RNF31: variants seen among roughly 807,000 people sequenced by gnomAD.
The protein encoded by RNF31 is E3 ubiquitin-protein ligase RNF31.
In RNF31, 38 loss-of-function variants were observed where a neutral mutation model predicts 133.6. That is an observed-to-expected ratio of 0.28 (90% CI 0.22 to 0.37). The LOEUF is 0.37. Among genes scored for constraint, RNF31 ranks in the 10% least tolerant of loss-of-function variants. RNF31 has a pLI of 1.00. For synonymous variants in RNF31, 582 were observed against 552.3 expected (o/e 1.05, Z -0.75); for missense variants, 1,118 against 1,394.1 (o/e 0.80, Z 3.15).
At chr14:24,148,529 T>G in intron 3 of RNF31, 113 bp from the exon 4 acceptor site, 1 of 1,589,652 alleles carries the variant, frequency 6.3e-7, no homozygotes, top group East Asian at 2.2e-5. Flanking sequence ...TTCAGCATTC[T>G]GGGAGCTCCG....
chr14:24,155,675 G>T lies in RNF31; in HGVS notation c.2476G>T (p.Val826Leu), dbSNP rs2139088177. 1 of 1,614,148 alleles carries T rather than the reference G, an allele frequency of 6.2e-7. No homozygotes were observed. Among genetic ancestry groups the T allele is most frequent in the Non-Finnish European group, 8.5e-7 (1 of 1,179,990 alleles). The change falls in exon 14 of 21, where the codon GTG (valine) becomes TTG (leucine). Residue 826 changes from valine (V) to leucine (L), a missense_variant. Physicochemically the swap from Val to Leu is conservative, Grantham distance 32. Coordinates refer to ENST00000324103, the MANE Select transcript of RNF31 (RefSeq NM_017999.5). The surrounding 1 kb of genome is among the most constrained non-coding windows in gnomAD (Gnocchi z 4.9). ...TCCCCAGTGTCACCAGACCTTCTGT[G>T]TGCGCTGCAAGCGCCAGGTGAGGCA... is the stretch of plus-strand genomic sequence containing the variant. The part of the protein sequence containing the change: ...TCPQCHQTFC[V>L]RCKRQWEEQH...
intron 11 of RNF31, among the ~76,000 whole-genome samples, chr14:24,153,056 G>C (rs1445927300): frequency 2.0e-5 from 3 of 151,730 alleles, no homozygotes; most frequent in Admixed American, 1.3e-4. Context: ...ACTCCAGCCT[G>C]GGCAACAGCG....
rs764490774 is a variant in RNF31 at position 24,157,658 on chromosome 14, G to T, written c.2727+20G>T. ...AAGAATGTAAGCCCAGAGAGTTGGG[G>T]AAGGGGTGGAAGGGTGGGGGGTGCC... On this transcript the variant is annotated intron_variant, in intron 16 of 20. Coordinates refer to ENST00000324103, the MANE Select transcript of RNF31 (RefSeq NM_017999.5). 1 of 1,596,278 alleles carries T rather than the reference G, an allele frequency of 6.3e-7. No individual in the cohort carries two copies. Among genetic ancestry groups the T allele is most frequent in the East Asian group, 2.2e-5 (1 of 44,820 alleles).
chr14:24,152,491 C>T (rs1348468729), intron 11 of RNF31, among the ~76,000 whole-genome samples: 1 of 152,040 alleles, frequency 6.6e-6, no homozygotes, highest in East Asian at 1.9e-4. Context: ...GGCGTGATCT[C>T]GGCTCACTGT....
chr14:24,150,603 G>T lies in RNF31; in HGVS notation c.1203G>T (p.Gly401=). Residue 401 remains glycine, a synonymous_variant, in exon 8 of 21, where the codon GGG becomes GGT. Coordinates refer to ENST00000324103, the MANE Select transcript of RNF31 (RefSeq NM_017999.5). ...AATTCTCTCTGCCTTCCCAGCAGGG[G>T]GATGCTTTGCTGGCCTCTGCCCAGA... ...AGICLQPLQQ[G]DALLASAQSQ... is the part of the protein sequence containing the mutation. The T allele has an allele frequency of 6.2e-7, 1 of 1,606,768 alleles. No individual in the cohort carries two copies. Among genetic ancestry groups the T allele is most frequent in the South Asian group, 1.1e-5 (1 of 90,986 alleles).
chr14:24,159,620 G>A (rs1436882103), intron 18 of RNF31, among the ~76,000 whole-genome samples: 3 of 150,538 alleles, frequency 2.0e-5, no homozygotes, highest in South Asian at 2.1e-4. Flanking sequence ...TATCTCAAGA[G>A]GGTATGTGTT....
Position 24,149,467 on chromosome 14 carries a change from C to G in RNF31, c.693C>G (p.Ser231=), listed in dbSNP as rs376778540. The part of the protein sequence containing the change: ...GSAPGTLHCP[S]CKQALCPACD... Reference sequence around the variant, plus strand: ...CCCCAGGCACACTGCACTGCCCATCCTGTAAACAGGCCCTGTGTCCAGCCT... The same window carrying G: ...CCCCAGGCACACTGCACTGCCCATCGTGTAAACAGGCCCTGTGTCCAGCCT... The change falls in exon 6 of 21, where the codon TCC becomes TCG. Residue 231 remains serine (S), a synonymous_variant. Coordinates refer to ENST00000324103, the MANE Select transcript of RNF31 (RefSeq NM_017999.5). 4 of 1,614,196 alleles carry G rather than the reference C, an allele frequency of 2.5e-6. No homozygotes were observed. The highest frequency in any genetic ancestry group is 3.4e-6 in the Non-Finnish European group (4 of 1,180,016).
Position 24,147,694 on chromosome 14 carries a change from T to G in RNF31, c.-5T>G. The G allele has an allele frequency of 6.7e-7, 1 of 1,496,024 alleles. No individual in the cohort carries two copies. The highest frequency in any genetic ancestry group is 8.9e-7 in the Non-Finnish European group (1 of 1,128,022). 92.7% of individuals were successfully genotyped at this position (1,496,024 alleles called of 1,614,324 possible). Reference sequence around the variant, plus strand: ...GGCGAGGCTGGGGCTGACTCCTGCCTCAGGATGCCGGGGGAGGAAGAGGAG... The same window carrying G: ...GGCGAGGCTGGGGCTGACTCCTGCCGCAGGATGCCGGGGGAGGAAGAGGAG... On this transcript the variant is annotated 5_prime_UTR_variant, in exon 1 of 21. Transcript: ENST00000324103.
rs897606832 is a variant in RNF31, at chr14:24,151,418, T to G, written c.1737+39T>G. ...TGGATATGGGATAGGGTCGAGAGTC[T>G]GCATCTCTCACACTCTCCCTTGCTT... On this transcript the variant is annotated intron_variant, in intron 9 of 20. Transcript: ENST00000324103. This position sits in a 1 kb window ranked among gnomAD's most constrained non-coding sequence, Gnocchi z 5.3. 6.2e-7 allele frequency: 1 copy of G among 1,613,178 alleles called. No homozygotes were observed. Among genetic ancestry groups the G allele is most frequent in the African/African-American group, 1.3e-5 (1 of 74,898 alleles).
At chr14:24,154,966 C>T in intron 11 of RNF31, 191 bp from the exon 12 acceptor site, 1 of 591,982 alleles carries the variant, frequency 1.7e-6, no homozygotes, top group Non-Finnish European at 3.0e-6. Context: ...TCACCATTGT[C>T]TATTTTCCTC....
intron 14 of RNF31, among the ~76,000 whole-genome samples, chr14:24,156,309 A>G (rs2038340225): frequency 6.6e-6 from 1 of 151,900 alleles, no homozygotes; most frequent in Admixed American, 6.6e-5. Flanking sequence ...TCGTTTATTT[A>G]TTTATTTATT....
At chr14:24,159,147 C>G (rs2038397708) in intron 18 of RNF31, among the ~76,000 whole-genome samples, 1 of 150,850 alleles carries the variant, frequency 6.6e-6, no homozygotes. Context: ...GAGTTCGTGA[C>G]CAACCTGGCC....
chr14:24,155,766 G>C lies in RNF31; in HGVS notation c.2493+74G>C, dbSNP rs1448434540. ...TACTGTGTTAGACTCAGGGGAGTTT[G>C]TGTACTGGAGAGCAAAACAGACATG... On this transcript the variant is annotated intron_variant, in intron 14 of 20. Transcript: ENST00000324103. The surrounding 1 kb of genome is among the most constrained non-coding windows in gnomAD (Gnocchi z 4.9). 6.0e-6 allele frequency: 8 copies of C among 1,331,982 alleles called. No individual in the cohort carries two copies. Among genetic ancestry groups the C allele is most frequent in the Non-Finnish European group, 7.5e-6 (7 of 930,882 alleles). The allele number at this position is 1,331,982 out of a possible 1,614,324, so 82.5% of individuals were successfully genotyped here.
In RNF31 at chr14:24,150,790, C is replaced by T. The variant is rs187811103; in HGVS notation, c.1390C>T (p.Arg464Cys). The T allele has an allele frequency of 1.1e-4, 176 of 1,608,972 alleles. No individual in the cohort carries two copies. The highest frequency in any genetic ancestry group is 1.3e-4 in the Non-Finnish European group (157 of 1,176,616). ...KGPPKPGPPR[R>C]LSAPLPSSCG... ...ACCCCCCAAGCCTGGGCCCCCACGA[C>T]GCCTTAGTGCCCCCCTGCCCAGTTC... The change falls in exon 8 of 21, where the codon CGC becomes TGC. Residue 464 changes from arginine to cysteine, a missense_variant. By Grantham distance (180) the Arg-to-Cys change is radical. Transcript: ENST00000324103.
chr14:24,154,973 C>T (rs751589965), intron 11 of RNF31, 184 bp from the exon 12 acceptor site: 1 of 596,188 alleles, frequency 1.7e-6, no homozygotes, highest in Non-Finnish European at 3.0e-6. Flanking sequence ...TGTCTATTTT[C>T]CTCCACCCGA....
intron 11 of RNF31, 70 bp downstream of exon 11, chr14:24,152,062 C>A: frequency 2.8e-6 from 4 of 1,452,488 alleles, no homozygotes; most frequent in South Asian, 1.3e-5. Context: ...CTACCCCAGT[C>A]TCCATCTCTG....
rs1201742256 is a variant in RNF31 at position 24,155,705 on chromosome 14, C to T, written c.2493+13C>T. 6 of 1,611,266 alleles carry T rather than the reference C, an allele frequency of 3.7e-6. No individual in the cohort carries two copies. Among genetic ancestry groups the T allele is most frequent in the South Asian group, 1.1e-5 (1 of 90,972 alleles). On this transcript the variant is annotated intron_variant, in intron 14 of 20. Coordinates refer to ENST00000324103, the MANE Select transcript of RNF31 (RefSeq NM_017999.5). The surrounding 1 kb of genome is among the most constrained non-coding windows in gnomAD (Gnocchi z 4.9). The stretch of plus-strand genomic sequence containing the variant: ...CTGCAAGCGCCAGGTGAGGCACATT[C>T]ATCCTTTCAGAAATACTTGCTGAGC...
chr14:24,152,616 G>T (rs1013658995), intron 11 of RNF31, among the ~76,000 whole-genome samples: 6 of 151,984 alleles, frequency 3.9e-5, no homozygotes, highest in African/African-American at 1.5e-4. Flanking sequence ...ACAGGGTTTC[G>T]CCATATTGGC....
Position 24,147,638 on chromosome 14 carries a change from C to G in RNF31, c.-61C>G, listed in dbSNP as rs1266118417. 7.4e-7 allele frequency: 1 copy of G among 1,345,670 alleles called. No homozygotes were observed. Among genetic ancestry groups the G allele is most frequent in the Non-Finnish European group, 9.5e-7 (1 of 1,050,466 alleles). 83.4% of individuals were successfully genotyped at this position (1,345,670 alleles called of 1,614,324 possible). ...CAGACGGGAGGGGCGGCGCTCGGGCCGCGCGCTGCCCGCGCCGGGTCCTGG... is the reference window on the plus strand; with the variant it reads ...CAGACGGGAGGGGCGGCGCTCGGGCGGCGCGCTGCCCGCGCCGGGTCCTGG... On this transcript the variant is annotated 5_prime_UTR_variant, in exon 1 of 21. Coordinates refer to ENST00000324103, the MANE Select transcript of RNF31 (RefSeq NM_017999.5).
Sources: allele counts gnomAD v4.1 joint callset (sites outside exome capture counted in the v4.1 genomes callset), GRCh38; gene constraint gnomAD v4.1.1; non-coding constraint Gnocchi (gnomAD v3.1); transcripts MANE v1.5; gene names NCBI Gene and HGNC (gene_info 2026-07-23, HGNC 2026-07-21).